AFG2A: variants seen among roughly 807,000 people sequenced by gnomAD.
AFG2A encodes AAA ATPase AFG2A.
chr4:123,133,847 T>G, the AFG2A span, among the ~76,000 whole-genome samples: 3 of 152,208 alleles, frequency 2.0e-5, no homozygotes, highest in Non-Finnish European at 2.9e-5. Context: ...TGAGGTGACA[T>G]CTCATTGTGG....
chr4:123,278,187 T>A, the AFG2A span, among the ~76,000 whole-genome samples: 3 of 152,170 alleles, frequency 2.0e-5, no homozygotes, highest in Non-Finnish European at 4.4e-5. Flanking sequence ...GGTTCAGTCT[T>A]GGGAGGTTGT....
chr4:123,121,180 A>C, the AFG2A span, among the ~76,000 whole-genome samples: 1 of 151,820 alleles, frequency 6.6e-6, no homozygotes, highest in Non-Finnish European at 1.5e-5. Flanking sequence ...GATATAAAGA[A>C]GAAAATATTT....
the AFG2A span, among the ~76,000 whole-genome samples, chr4:123,241,665 A>C: frequency 1.3e-5 from 2 of 152,220 alleles, no homozygotes; most frequent in East Asian, 3.8e-4. Context: ...ACAAACCCAC[A>C]GCCAATATCA....
chr4:123,076,687 A>G, the AFG2A span, among the ~76,000 whole-genome samples: 1 of 151,988 alleles, frequency 6.6e-6, no homozygotes, highest in African/African-American at 2.4e-5. Context: ...GTCTTGGGTT[A>G]GGGATTTTTT....
chr4:123,188,908 A>C, the AFG2A span, among the ~76,000 whole-genome samples: 2 of 152,180 alleles, frequency 1.3e-5, no homozygotes, highest in Non-Finnish European at 2.9e-5. Context: ...AAGTTTATCA[A>C]GTGAATTTCT....
At chr4:123,055,984 A>T in the AFG2A span, among the ~76,000 whole-genome samples, 2 of 152,360 alleles carry the variant, frequency 1.3e-5, no homozygotes, top group African/African-American at 4.8e-5. Context: ...AAGTTCAGAA[A>T]TATTAATGTC....
At chr4:123,254,563 A>G in the AFG2A span, among the ~76,000 whole-genome samples, 5 of 151,788 alleles carry the variant, frequency 3.3e-5, no homozygotes, top group Admixed American at 3.3e-4. Context: ...CTCTGTAGAT[A>G]CACACAGAGA....
the AFG2A span, among the ~76,000 whole-genome samples, chr4:123,273,599 ATCCAAAATCCAAAATGC>A: frequency 6.6e-6 from 1 of 152,158 alleles, no homozygotes; most frequent in Non-Finnish European, 1.5e-5. Flanking sequence ...TAATCTGAAA[ATCCAAAATCCAAAATGC>A]TCCAAAATCC....
At chr4:123,118,616 A>C in the AFG2A span, among the ~76,000 whole-genome samples, 1 of 151,790 alleles carries the variant, frequency 6.6e-6, no homozygotes, top group African/African-American at 2.4e-5. Context: ...ACAAAGAGTA[A>C]TCTTGTCCAG....
At chr4:122,938,882 G>A in the AFG2A span, among the ~76,000 whole-genome samples, 20 of 151,400 alleles carry the variant, frequency 1.3e-4, no homozygotes, top group South Asian at 2.3e-3. Flanking sequence ...GGTGTGAGCC[G>A]CTACATCTGG....
At chr4:123,067,421 G>T in the AFG2A span, among the ~76,000 whole-genome samples, 1 of 151,994 alleles carries the variant, frequency 6.6e-6, no homozygotes, top group African/African-American at 2.4e-5. Flanking sequence ...AGAGGCTGAG[G>T]CAGGGGAATC....
At chr4:122,927,597 C>T in the AFG2A span, 1 of 1,579,520 alleles carries the variant, frequency 6.3e-7, no homozygotes, top group South Asian at 1.2e-5. Context: ...ACTTCTGTTA[C>T]AAAGTAGTAC....
chr4:123,095,042 AATATATAT>A, the AFG2A span, among the ~76,000 whole-genome samples: 6 of 114,092 alleles, frequency 5.3e-5, no homozygotes, highest in Middle Eastern at 5.8e-3. Flanking sequence ...AAAAAAAAAA[AATATATAT>A]ATATATATAT....
chr4:123,276,101 C>G, the AFG2A span, among the ~76,000 whole-genome samples: 1 of 152,172 alleles, frequency 6.6e-6, no homozygotes, highest in Non-Finnish European at 1.5e-5. Flanking sequence ...AAACTCCCAC[C>G]AGTAGTGTAT....
chr4:123,169,982 C>T, the AFG2A span, among the ~76,000 whole-genome samples: 4 of 152,300 alleles, frequency 2.6e-5, no homozygotes, highest in South Asian at 4.1e-4. Context: ...AAGGATACAA[C>T]TTGAGGTGGA....
chr4:123,287,269 A>T, the AFG2A span, among the ~76,000 whole-genome samples: 1 of 152,182 alleles, frequency 6.6e-6, no homozygotes, highest in Non-Finnish European at 1.5e-5. Flanking sequence ...TTATTTGGCT[A>T]CTAGCTATTT....
the AFG2A span, chr4:122,929,238 C>T: frequency 2.7e-6 from 4 of 1,502,896 alleles, no homozygotes; most frequent in Non-Finnish European, 3.5e-6. Context: ...ATCAAAGCTG[C>T]CCAGTAGAAA....
chr4:122,965,463 C>T, the AFG2A span, among the ~76,000 whole-genome samples: 2 of 152,284 alleles, frequency 1.3e-5, no homozygotes, highest in African/African-American at 4.8e-5. Flanking sequence ...ACGTTGGAAA[C>T]AGTGTGTTGA....
the AFG2A span, among the ~76,000 whole-genome samples, chr4:123,201,761 A>G: frequency 3.9e-5 from 6 of 152,142 alleles, no homozygotes; most frequent in African/African-American, 1.4e-4. Flanking sequence ...TTTACTAAAA[A>G]TACAAAAAAA....
Sources: allele counts gnomAD v4.1 joint callset (sites outside exome capture counted in the v4.1 genomes callset), GRCh38; gene constraint gnomAD v4.1.1; transcripts MANE v1.5; gene names NCBI Gene and HGNC (gene_info 2026-07-23, HGNC 2026-07-21).